Variants in FNIP2 observed in about 807,000 individuals in gnomAD.
The protein encoded by FNIP2 is folliculin-interacting protein 2.
In FNIP2, 32 loss-of-function variants were observed where a neutral mutation model predicts 108.7. The observed-to-expected ratio is 0.29, with a 90% CI of 0.22 to 0.40. The LOEUF (loss-of-function observed/expected upper bound fraction) is 0.40, where lower values mean the gene tolerates loss of function less well. FNIP2 is among the 10% of genes least tolerant of loss of function. The probability of loss-of-function intolerance (pLI) is 1.00; values close to 1 mark genes in which losing one functional copy is unlikely to be tolerated. For missense variants in FNIP2, 1,202 were observed against 1,381.6 expected (o/e 0.87, Z 2.06); for synonymous variants, 480 against 496.7 (o/e 0.97, Z 0.45).
At chr4:158,803,993 C>T (rs1560763599) in intron 1 of FNIP2, among the ~76,000 whole-genome samples, 1 of 152,156 alleles carries the variant, frequency 6.6e-6, no homozygotes, top group African/African-American at 2.4e-5. Context: ...GGCTGGAGTG[C>T]AGTGGCACGA....
rs1266438489 is a variant in FNIP2 at position 158,870,443 on chromosome 4, G to A, written c.2923G>A (p.Val975Met). ...TGATGAGAAGCTGAAGCAGTGCCTG[G>A]TGGCCGACCTTGTCCACACAGTCCA... ...GSDEKLKQCL[V>M]ADLVHTVHHP... is the part of the protein sequence containing the mutation. The change falls in exon 14 of 17, where the codon GTG (valine) becomes ATG (methionine). Residue 975 changes from valine to methionine, a missense_variant. By Grantham distance (21) the Val-to-Met change is conservative. Transcript: ENST00000264433. 2 of 1,613,446 alleles carry A rather than the reference G, an allele frequency of 1.2e-6. No individual in the cohort carries two copies.
chr4:158,826,121 A>G (rs2126563868), intron 2 of FNIP2, 79 bp downstream of exon 2: 1 of 1,513,710 alleles, frequency 6.6e-7, no homozygotes. Context: ...TTAATCTATC[A>G]TCTTCTCTTT....
At chr4:158,876,201 A>T (rs1257243145) in intron 14 of FNIP2, among the ~76,000 whole-genome samples, 1 of 152,212 alleles carries the variant, frequency 6.6e-6, no homozygotes, top group African/African-American at 2.4e-5. Flanking sequence ...TAGTCTTTTT[A>T]AAGTTCCTTT....
chr4:158,875,018 C>T lies in FNIP2; in HGVS notation c.2949+4549C>T, dbSNP rs867843770. Among the ~76,000 whole-genome samples, 8 of 147,526 alleles carry T rather than the reference C, an allele frequency of 5.4e-5. 1 individual carries two copies. Among genetic ancestry groups the T allele is most frequent in the Middle Eastern group, 3.6e-3 (1 of 274 alleles). Reference sequence around the variant, plus strand: ...AGGAGAATTGCTTGAACTCGGGAGGCAGAGAGGTTGCAGTGCGCTGAGATC... The same window carrying T: ...AGGAGAATTGCTTGAACTCGGGAGGTAGAGAGGTTGCAGTGCGCTGAGATC... On this transcript the variant is annotated intron_variant, in intron 14 of 16. Transcript: ENST00000264433.
chr4:158,797,018 T>C (rs774424335), intron 1 of FNIP2, among the ~76,000 whole-genome samples: 1 of 152,178 alleles, frequency 6.6e-6, no homozygotes, highest in Non-Finnish European at 1.5e-5. Context: ...GATTCAGAGC[T>C]GAATATCCTT....
intron 14 of FNIP2, chr4:158,890,468 T>C (rs905998851): frequency 1.9e-6 from 1 of 524,590 alleles, no homozygotes. Context: ...AGTCCAAGAC[T>C]AGGGAGTCAG....
At chr4:158,797,924 C>A (rs1178274429) in intron 1 of FNIP2, among the ~76,000 whole-genome samples, 1 of 152,152 alleles carries the variant, frequency 6.6e-6, no homozygotes, top group African/African-American at 2.4e-5. Context: ...CACTGGGAGA[C>A]CTGTTACTCC....
chr4:158,868,858 G>A lies in FNIP2; in HGVS notation c.2222G>A (p.Arg741Gln), dbSNP rs62001913. The A allele has an allele frequency of 6.6e-3, 10,641 of 1,613,960 alleles. 50 individuals carry two copies. The highest frequency in any genetic ancestry group is 8.1e-3 in the Non-Finnish European group (9,532 of 1,179,900). Residue 741 changes from arginine (R) to glutamine (Q), a missense_variant, in exon 13 of 17, where the codon CGG becomes CAG. Around this residue, in one of 5 missense-constraint regions of FNIP2, gnomAD observed 878 missense variants for 990.3 expected, o/e 0.89. Coordinates refer to ENST00000264433, the MANE Select transcript of FNIP2 (RefSeq NM_020840.3). The surrounding 1 kb of genome is among the most constrained non-coding windows in gnomAD (Gnocchi z 4.6). ...AGCCGCATGAAAAAAATGGAGGAAC[G>A]GGTGAAGGCCTGTGGCCCCTCCTTG... ...FESRMKKMEE[R>Q]VKACGPSLEA...
chr4:158,869,988 T>G (rs575982025), intron 13 of FNIP2, among the ~76,000 whole-genome samples: 1 of 152,380 alleles, frequency 6.6e-6, no homozygotes, highest in South Asian at 2.1e-4. Context: ...ATATGTCAGA[T>G]TCCTAAAGCC....
Position 158,901,855 on chromosome 4 carries a change from T to C in FNIP2, c.3267-2611T>C, listed in dbSNP as rs148719192. On this transcript the variant is annotated intron_variant, in intron 16 of 16. Coordinates refer to ENST00000264433, the MANE Select transcript of FNIP2 (RefSeq NM_020840.3). ...CTCCATCAGGTCATTTATGTTCTTCTCTAAGCTAGTTATTCTAGTTAGCAA... is the reference window on the plus strand; with the variant it reads ...CTCCATCAGGTCATTTATGTTCTTCCCTAAGCTAGTTATTCTAGTTAGCAA... 1.4e-3 allele frequency among the ~76,000 whole-genome samples: 211 copies of C among 152,066 alleles called. 1 individual carries two copies. Among genetic ancestry groups the C allele is most frequent in the African/African-American group, 5.0e-3 (206 of 41,502 alleles).
chr4:158,890,415 T>C (rs912932419), intron 14 of FNIP2: 3 of 918,674 alleles, frequency 3.3e-6, no homozygotes, highest in Non-Finnish European at 3.9e-6. Context: ...CTCACCACTC[T>C]CTTTCCCATT....
chr4:158,785,621 G>A (rs190413804), intron 1 of FNIP2, among the ~76,000 whole-genome samples: 92 of 151,888 alleles, frequency 6.1e-4, no homozygotes, highest in African/African-American at 1.7e-3. Flanking sequence ...GAGGTCCCGC[G>A]CCCAGCCCTA....
rs772582784 is a variant in FNIP2, at chr4:158,870,313, G to A, written c.2793G>A (p.Arg931=). The part of the protein sequence containing the change: ...GSLEVELPLP[R]SQSISTQNVR... ...TTTAATGGGCCACATGTTGTTTTAG[G>A]TCTCAGAGCATCAGCACCCAGAATG... The change falls in exon 14 of 17, where the codon AGG becomes AGA. Residue 931 remains arginine, a splice_region_variant and synonymous_variant. Transcript: ENST00000264433. 6 of 1,612,788 alleles carry A rather than the reference G, an allele frequency of 3.7e-6. No individual in the cohort carries two copies. The highest frequency in any genetic ancestry group is 2.2e-5 in the East Asian group (1 of 44,834).
At chr4:158,902,769 C>T (rs1729449143) in intron 16 of FNIP2, among the ~76,000 whole-genome samples, 1 of 152,250 alleles carries the variant, frequency 6.6e-6, no homozygotes, top group South Asian at 2.1e-4. Context: ...AACTTCCAGG[C>T]AGCTTTGTTT....
chr4:158,769,515 C>G (rs1269446853), intron 1 of FNIP2, among the ~76,000 whole-genome samples, 196 bp downstream of exon 1: 1 of 152,118 alleles, frequency 6.6e-6, no homozygotes, highest in Non-Finnish European at 1.5e-5. Flanking sequence ...CCCTTCCTCC[C>G]GCTCTTTCTC....
intron 14 of FNIP2, among the ~76,000 whole-genome samples, chr4:158,877,027 AC>A (rs1167288828): frequency 2.0e-5 from 3 of 152,220 alleles, no homozygotes; most frequent in Admixed American, 6.5e-5. Flanking sequence ...AGATATTTGA[AC>A]ATCTGTGCCA....
chr4:158,863,262 A>G (rs1267723166), intron 12 of FNIP2, among the ~76,000 whole-genome samples: 1 of 152,226 alleles, frequency 6.6e-6, no homozygotes, highest in East Asian at 1.9e-4. Flanking sequence ...CAATAATTTG[A>G]CAGGTAGAAG....
chr4:158,874,812 C>T (rs1238274868), intron 14 of FNIP2, among the ~76,000 whole-genome samples: 1 of 151,988 alleles, frequency 6.6e-6, no homozygotes, highest in African/African-American at 2.4e-5. Flanking sequence ...GGCACGGTGG[C>T]TCATGCCTGT....
Position 158,904,458 on chromosome 4 carries a change from A to G in FNIP2, c.3267-8A>G, listed in dbSNP as rs766903332. 1.2e-6 allele frequency: 2 copies of G among 1,608,628 alleles called. No individual in the cohort carries two copies. The highest frequency in any genetic ancestry group is 1.7e-6 in the Non-Finnish European group (2 of 1,175,900). On this transcript the variant is annotated splice_polypyrimidine_tract_variant and splice_region_variant and intron_variant, in intron 16 of 16. Coordinates refer to ENST00000264433, the MANE Select transcript of FNIP2 (RefSeq NM_020840.3). ...AAAGTAATATTCTTTTCTTTTCTCA[A>G]TATTCAGGATTGAATCCAACGACCT... is the stretch of plus-strand genomic sequence containing the variant.
Sources: allele counts gnomAD v4.1 joint callset (sites outside exome capture counted in the v4.1 genomes callset), GRCh38; gene constraint gnomAD v4.1.1; regional missense constraint gnomAD v4.1.1; non-coding constraint Gnocchi (gnomAD v3.1); transcripts MANE v1.5; gene names NCBI Gene and HGNC (gene_info 2026-07-23, HGNC 2026-07-21).